The following MED13L variants were observed in gnomAD, a reference collection of about 807,000 sequenced individuals.
MED13L encodes the protein mediator complex subunit 13L.
A neutral mutation model predicts 220.9 loss-of-function variants in MED13L; 7 were observed. The observed-to-expected ratio is 0.03, with a 90% CI of 0.02 to 0.06. The LOEUF is 0.06. Ranked by LOEUF, MED13L falls within the 10% of genes least tolerant of loss-of-function variation. The pLI, the probability that MED13L is intolerant of heterozygous loss-of-function variation, is 1.00. For missense variants in MED13L, 1,965 were observed against 2,760.5 expected, an observed-to-expected ratio of 0.71 and a Z score of 6.46; for synonymous variants, 1,011 against 1,015.2, an observed-to-expected ratio of 1.00 and a Z score of 0.08.
chr12:116,062,257 A>C (rs1289494716), intron 4 of MED13L, among the ~76,000 whole-genome samples: 1 of 151,452 alleles, frequency 6.6e-6, no homozygotes, highest in East Asian at 2.0e-4. Context: ...GGCTCAAGTG[A>C]TCCTTCCACC....
intron 2 of MED13L, among the ~76,000 whole-genome samples, chr12:116,130,564 T>A (rs1593078623): frequency 6.6e-6 from 1 of 152,208 alleles, no homozygotes; most frequent in South Asian, 2.1e-4. Flanking sequence ...ATGATAAGCA[T>A]CTTGGAATCT....
intron 4 of MED13L, among the ~76,000 whole-genome samples, chr12:116,090,743 T>C (rs1376791860): frequency 6.6e-6 from 1 of 152,176 alleles, no homozygotes; most frequent in Non-Finnish European, 1.5e-5. Context: ...AAGGAGAGAT[T>C]TGTTTTGAGC....
chr12:116,214,333 A>AT (rs1445824934), intron 2 of MED13L, among the ~76,000 whole-genome samples: 1 of 152,220 alleles, frequency 6.6e-6, no homozygotes, highest in Non-Finnish European at 1.5e-5. Flanking sequence ...CATCTGACTT[A>AT]TCTTGTTATG....
chr12:115,992,628 T>G (rs1878139355), intron 16 of MED13L, among the ~76,000 whole-genome samples: 1 of 152,236 alleles, frequency 6.6e-6, no homozygotes, highest in African/African-American at 2.4e-5. Context: ...ATAGAAATAT[T>G]ACATATGCGG....
intron 4 of MED13L, among the ~76,000 whole-genome samples, chr12:116,042,749 G>C (rs1373695499): frequency 6.6e-6 from 1 of 152,160 alleles, no homozygotes; most frequent in Admixed American, 6.5e-5. Context: ...GGAAAGGACA[G>C]ATGAGGCTGA....
At chr12:116,145,494 C>T (rs1877406887) in intron 2 of MED13L, among the ~76,000 whole-genome samples, 1 of 151,588 alleles carries the variant, frequency 6.6e-6, no homozygotes, top group South Asian at 2.1e-4. Context: ...GCTTCAAGCG[C>T]TTTTTTTTCT....
intron 4 of MED13L, among the ~76,000 whole-genome samples, chr12:116,081,832 A>C (rs1384133926): frequency 6.6e-6 from 1 of 152,210 alleles, no homozygotes; most frequent in Non-Finnish European, 1.5e-5. Flanking sequence ...CTGCCACTGC[A>C]CTCCAGCCTG....
At chr12:116,112,271 C>A (rs1231083307) in intron 2 of MED13L, among the ~76,000 whole-genome samples, 2 of 152,108 alleles carry the variant, frequency 1.3e-5, no homozygotes, top group Non-Finnish European at 2.9e-5. Flanking sequence ...TTAAATTACA[C>A]TAGTTCAATG....
At chr12:116,186,850 C>A (rs1880934120) in intron 2 of MED13L, among the ~76,000 whole-genome samples, 1 of 152,148 alleles carries the variant, frequency 6.6e-6, no homozygotes, top group Non-Finnish European at 1.5e-5. Flanking sequence ...ATTTAATGTA[C>A]CACTGTTGTT....
chr12:116,049,616 T>G (rs1223588398), intron 4 of MED13L, among the ~76,000 whole-genome samples: 3 of 152,192 alleles, frequency 2.0e-5, no homozygotes, highest in Non-Finnish European at 4.4e-5. Context: ...ATGCTTTTCG[T>G]TAAGGATTTA....
intron 2 of MED13L, among the ~76,000 whole-genome samples, chr12:116,183,679 T>C (rs1368273841): frequency 1.3e-5 from 2 of 152,108 alleles, no homozygotes; most frequent in Admixed American, 1.3e-4. Context: ...TCACAATATC[T>C]GTTTATTTTT....
intron 4 of MED13L, among the ~76,000 whole-genome samples, chr12:116,023,739 G>C (rs897101171): frequency 6.6e-6 from 1 of 151,996 alleles, no homozygotes; most frequent in Non-Finnish European, 1.5e-5. Context: ...CTTGGTATCT[G>C]GGTATTTAAC....
chr12:116,273,298 C>T (rs879386140), intron 1 of MED13L, among the ~76,000 whole-genome samples: 3 of 151,428 alleles, frequency 2.0e-5, no homozygotes, highest in Admixed American at 2.0e-4. Context: ...GGCGAAACTC[C>T]GTCTCAAAAA....
intron 28 of MED13L, among the ~76,000 whole-genome samples, chr12:115,968,009 T>C (rs1456375838): frequency 6.6e-6 from 1 of 150,508 alleles, no homozygotes; most frequent in African/African-American, 2.5e-5. Context: ...CTATAAACCT[T>C]TTTTCTCTCC....
chr12:116,071,321 G>A (rs569902185), intron 4 of MED13L, among the ~76,000 whole-genome samples: 1 of 152,200 alleles, frequency 6.6e-6, no homozygotes, highest in East Asian at 1.9e-4. Context: ...CTGTCAAGGT[G>A]TTTCAAGAAA....
rs1206393877 is a variant in MED13L, at chr12:116,185,663, CTTTTCTTTTCTTTTCT to C, written c.310+51789_310+51804del. ...TTTTTTCATCACATGCTTTTCTTTT[CTTTTCTTTTCTTTTCT>C]TTTCTTTTCTTTTCTTTTCTTTTCT... is the stretch of plus-strand genomic sequence containing the variant. On this transcript the variant is annotated intron_variant, in intron 2 of 30. Transcript: ENST00000281928. Among the ~76,000 whole-genome samples, 10 of 12,362 alleles carry C rather than the reference CTTTTCTTTTCTTTTCT, an allele frequency of 8.1e-4. No individual in the cohort carries two copies. The African/African-American group carries it at 9.5e-3, about 12-fold the overall frequency. The allele number at this position is 12,362 out of a possible 152,430, so 8.1% of individuals were successfully genotyped here. A position where few individuals can be genotyped will look rare whatever the true frequency, so the allele number is the denominator to read the frequency against.
intron 2 of MED13L, among the ~76,000 whole-genome samples, chr12:116,177,238 C>T (rs1880140695): frequency 6.6e-6 from 1 of 152,108 alleles, no homozygotes; most frequent in Non-Finnish European, 1.5e-5. Flanking sequence ...CACTACTCCA[C>T]AGTAAGCGTA....
intron 2 of MED13L, among the ~76,000 whole-genome samples, chr12:116,221,451 A>G (rs1046610139): frequency 3.3e-5 from 5 of 152,126 alleles, no homozygotes; most frequent in African/African-American, 1.2e-4. Flanking sequence ...AAGAAAGAAT[A>G]AACCCAAAAC....
At chr12:115,999,795 G>A (rs1045834799) in intron 14 of MED13L, among the ~76,000 whole-genome samples, 10 of 152,130 alleles carry the variant, frequency 6.6e-5, no homozygotes, top group Admixed American at 2.6e-4. Context: ...CTGAACGCAC[G>A]CATATATCTC....
Sources: gnomAD v4.1 joint callset for allele counts (sites outside exome capture counted in the v4.1 genomes callset) on GRCh38, gnomAD v4.1.1 for gene constraint, MANE v1.5 for transcripts, NCBI Gene and HGNC (gene_info 2026-07-23, HGNC 2026-07-21) for gene names.